The following DENND1A variants were observed in gnomAD, a reference collection of about 807,000 sequenced individuals.
DENND1A encodes DENN domain-containing protein 1A.
In DENND1A, 51 loss-of-function variants were observed where a neutral mutation model predicts 113.7. That is an observed-to-expected ratio of 0.45 (90% CI 0.36 to 0.57). DENND1A has a LOEUF of 0.57. Ranked by LOEUF, DENND1A falls within the 20% of genes least tolerant of loss-of-function variation. The pLI is 0.00. For missense variants in DENND1A, 1,258 were observed against 1,395.9 expected, an observed-to-expected ratio of 0.90 and a Z score of 1.57; for synonymous variants, 565 against 570.8, an observed-to-expected ratio of 0.99 and a Z score of 0.14.
intron 21 of DENND1A, among the ~76,000 whole-genome samples, chr9:123,397,802 A>G (rs960635189): frequency 2.0e-5 from 3 of 152,216 alleles, no homozygotes; most frequent in Non-Finnish European, 4.4e-5. Context: ...TTTACAAACC[A>G]AAAATTACCT....
At position 123,681,123 on chromosome 9, in the gene DENND1A, G is replaced by A. The variant is rs980580194; in HGVS notation, c.303-4334C>T. Among the ~76,000 whole-genome samples the A allele has an allele frequency of 2.0e-5, 3 of 152,232 alleles. No homozygotes were observed. The East Asian group carries it at 5.8e-4, about 29-fold the overall frequency. ...AGCAGGATGAGGAGGGAGTCTCATG[G>A]GGGAGGCCTGACTTGGAGTTTCATG... is the stretch of plus-strand genomic sequence containing the variant. On this transcript the variant is annotated intron_variant, in intron 5 of 23. Coordinates refer to ENST00000394215, the MANE Select transcript of DENND1A (RefSeq NM_001352964.2).
intron 2 of DENND1A, among the ~76,000 whole-genome samples, chr9:123,823,855 C>G (rs766171476): frequency 6.6e-6 from 1 of 152,092 alleles, no homozygotes; most frequent in African/African-American, 2.4e-5. Context: ...GAAAAGAGAA[C>G]AATTCCCAGG....
chr9:123,927,014 G>A (rs975062527), intron 1 of DENND1A, among the ~76,000 whole-genome samples: 3 of 152,130 alleles, frequency 2.0e-5, no homozygotes, highest in Non-Finnish European at 4.4e-5. Flanking sequence ...AGGCGTCTGG[G>A]GGATGGCATC....
At chr9:123,487,611 C>A (rs2051003155) in intron 13 of DENND1A, among the ~76,000 whole-genome samples, 2 of 152,206 alleles carry the variant, frequency 1.3e-5, no homozygotes. Context: ...ACCCCTGTTT[C>A]TCAAAGGTCT....
chr9:123,738,373 A>T (rs1312798823), intron 5 of DENND1A, among the ~76,000 whole-genome samples: 1 of 151,906 alleles, frequency 6.6e-6, no homozygotes, highest in East Asian at 1.9e-4. Flanking sequence ...CAAGAGAATA[A>T]AAAAATTTTT....
Position 123,649,189 on chromosome 9 carries a change from A to G in DENND1A, c.618+2824T>C, listed in dbSNP as rs78952342. ...ACAATCTATACATCATTTTGAAATG[A>G]AATAACATCTTCAAGATATCAGGTC... is the stretch of plus-strand genomic sequence containing the variant. On this transcript the variant is annotated intron_variant, in intron 9 of 23. Coordinates refer to ENST00000394215, the MANE Select transcript of DENND1A (RefSeq NM_001352964.2). 3.8e-4 allele frequency among the ~76,000 whole-genome samples: 58 copies of G among 152,320 alleles called. No homozygotes were observed. In the East Asian group the frequency reaches 0.011, roughly 28 times the overall value.
At chr9:123,676,986 G>A (rs922859303) in intron 5 of DENND1A, among the ~76,000 whole-genome samples, 197 bp from the exon 6 acceptor site, 6 of 152,204 alleles carry the variant, frequency 3.9e-5, no homozygotes, top group Non-Finnish European at 8.8e-5. Context: ...CAAGGCAGAG[G>A]ATTAAATGTC....
chr9:123,662,009 G>C (rs2063262532), intron 8 of DENND1A, among the ~76,000 whole-genome samples: 2 of 152,114 alleles, frequency 1.3e-5, no homozygotes, highest in Admixed American at 1.3e-4. Flanking sequence ...CAGCTCTAAA[G>C]GACATGAGTT....
At chr9:123,626,856 TCCCAGAGAAC>T (rs1363344038) in intron 10 of DENND1A, among the ~76,000 whole-genome samples, 1 of 151,788 alleles carries the variant, frequency 6.6e-6, no homozygotes, top group East Asian at 1.9e-4. Flanking sequence ...TCTAGATGGG[TCCCAGAGAAC>T]CCTCAGGAGA....
chr9:123,855,952 G>A (rs186883583), intron 2 of DENND1A, among the ~76,000 whole-genome samples: 14 of 152,190 alleles, frequency 9.2e-5, no homozygotes, highest in Admixed American at 3.3e-4. Context: ...CAGGAAAATC[G>A]CTTGAACCCG....
At chr9:123,857,927 C>T (rs1445496080) in intron 2 of DENND1A, among the ~76,000 whole-genome samples, 3 of 151,988 alleles carry the variant, frequency 2.0e-5, no homozygotes, top group East Asian at 1.9e-4. Context: ...GGCGTGGTGG[C>T]GGACGCCTGT....
intron 5 of DENND1A, among the ~76,000 whole-genome samples, chr9:123,689,740 C>T (rs989137539): frequency 6.6e-5 from 10 of 152,016 alleles, no homozygotes; most frequent in Admixed American, 5.2e-4. Context: ...GAAGCCAAGG[C>T]GGGTGGGTCA....
At chr9:123,580,794 A>G (rs2058851484) in intron 12 of DENND1A, among the ~76,000 whole-genome samples, 1 of 152,146 alleles carries the variant, frequency 6.6e-6, no homozygotes, top group Non-Finnish European at 1.5e-5. Context: ...CATGATTCTC[A>G]CACCTCACAG....
At chr9:123,925,045 C>G (rs957358828) in intron 1 of DENND1A, among the ~76,000 whole-genome samples, 10 of 152,314 alleles carry the variant, frequency 6.6e-5, no homozygotes, top group African/African-American at 1.9e-4. Context: ...AACTCATGTG[C>G]TTCCTTTATA....
At chr9:123,883,748 C>G (rs1376632348) in intron 1 of DENND1A, among the ~76,000 whole-genome samples, 1 of 151,972 alleles carries the variant, frequency 6.6e-6, no homozygotes, top group Non-Finnish European at 1.5e-5. Context: ...TCTTCTACCA[C>G]TATCTGTAGT....
chr9:123,533,347 A>G (rs1182566495), intron 13 of DENND1A, among the ~76,000 whole-genome samples: 1 of 152,216 alleles, frequency 6.6e-6, no homozygotes, highest in Non-Finnish European at 1.5e-5. Flanking sequence ...AAAAGGCACA[A>G]ATTCATTCGC....
intron 10 of DENND1A, among the ~76,000 whole-genome samples, chr9:123,618,479 C>T (rs1190981612): frequency 6.6e-6 from 1 of 152,180 alleles, no homozygotes; most frequent in Non-Finnish European, 1.5e-5. Context: ...TCGGGGCCAG[C>T]AACGTTGCAT....
At chr9:123,709,222 C>G (rs1175171705) in intron 5 of DENND1A, among the ~76,000 whole-genome samples, 1 of 152,214 alleles carries the variant, frequency 6.6e-6, no homozygotes, top group Non-Finnish European at 1.5e-5. Flanking sequence ...GTAACTAAGG[C>G]CTCCTCTGTT....
intron 19 of DENND1A, chr9:123,413,202 G>A (rs1238047030): frequency 1.6e-5 from 3 of 186,970 alleles, no homozygotes; most frequent in Non-Finnish European, 3.0e-5. Context: ...CAAAAAACAC[G>A]TGCTATAAGT....
Sources: allele counts gnomAD v4.1 joint callset (sites outside exome capture counted in the v4.1 genomes callset), GRCh38; gene constraint gnomAD v4.1.1; transcripts MANE v1.5; gene names NCBI Gene and HGNC (gene_info 2026-07-23, HGNC 2026-07-21).